The following CC2D2A variants were observed in gnomAD, a reference collection of about 807,000 sequenced individuals.
CC2D2A encodes the protein coiled-coil and C2 domain-containing protein 2A.
Under a neutral mutation model 212.9 loss-of-function variants are expected in CC2D2A, and 155 were observed. The ratio of observed to expected loss-of-function variants is 0.73; its 90% CI spans 0.64 to 0.83. The LOEUF is 0.83. CC2D2A is among the 40% of genes least tolerant of loss of function. The pLI is 0.00. For synonymous variants in CC2D2A, 667 were observed against 686.5 expected (o/e 0.97, Z 0.44); for missense variants, 1,856 against 1,956.2 (o/e 0.95, Z 0.97).
chr4:15,509,477 T>C (rs567912615), intron 6 of CC2D2A, among the ~76,000 whole-genome samples: 1 of 152,306 alleles, frequency 6.6e-6, no homozygotes, highest in South Asian at 2.1e-4. Context: ...TTTCACTATG[T>C]TTGCCAGGCT....
chr4:15,563,764 A>C, intron 24 of CC2D2A: 2 of 495,182 alleles, frequency 4.0e-6, no homozygotes, highest in Non-Finnish European at 7.3e-6. Context: ...TAGCTGAATT[A>C]CAAGGGAGAC....
At chr4:15,583,936 G>A (rs1306634935) in intron 30 of CC2D2A, among the ~76,000 whole-genome samples, 3 of 147,924 alleles carry the variant, frequency 2.0e-5, no homozygotes, top group East Asian at 1.9e-4. Flanking sequence ...GGGTGACAGA[G>A]CGAGACTCCA....
chr4:15,555,761 C>G (rs1194916846), intron 20 of CC2D2A, among the ~76,000 whole-genome samples: 1 of 152,072 alleles, frequency 6.6e-6, no homozygotes, highest in East Asian at 1.9e-4. Context: ...AAACAAAACC[C>G]CTTTATCTGG....
intron 29 of CC2D2A, among the ~76,000 whole-genome samples, chr4:15,577,678 A>G (rs1159733175): frequency 6.6e-6 from 1 of 152,162 alleles, no homozygotes; most frequent in Non-Finnish European, 1.5e-5. Context: ...TCAACAGAAC[A>G]TTCCAATGAA....
chr4:15,567,500 TC>T lies in CC2D2A; in HGVS notation c.3288+19del. 1 of 1,599,386 alleles carries T rather than the reference TC, an allele frequency of 6.3e-7. No individual in the cohort carries two copies. Among genetic ancestry groups the T allele is most frequent in the Non-Finnish European group, 8.6e-7 (1 of 1,169,248 alleles). On this transcript the variant is annotated intron_variant, in intron 25 of 36. Coordinates refer to ENST00000424120, the MANE Select transcript of CC2D2A (RefSeq NM_001378615.1). ...TCGGCCAGGTGAGAGATGCTGGACT[TC>T]AGCTTTCCACCTTGCCCCTTAAGTT...
intron 4 of CC2D2A, chr4:15,481,925 T>C: frequency 1.0e-6 from 1 of 985,402 alleles, no homozygotes; most frequent in Non-Finnish European, 1.2e-6. Flanking sequence ...ACCTTGCCAT[T>C]GAGGACACAT....
At chr4:15,566,893 TG>T (rs1361356690) in intron 24 of CC2D2A, among the ~76,000 whole-genome samples, 1 of 152,154 alleles carries the variant, frequency 6.6e-6, no homozygotes, top group Admixed American at 6.5e-5. Flanking sequence ...GAGGATCGCT[TG>T]AGCCTGGGAG....
intron 30 of CC2D2A, among the ~76,000 whole-genome samples, chr4:15,585,552 G>A (rs2109088016): frequency 6.6e-6 from 1 of 152,248 alleles, no homozygotes; most frequent in Non-Finnish European, 1.5e-5. Context: ...GGAAGAATGA[G>A]TTCTGGTGTT....
intron 33 of CC2D2A, among the ~76,000 whole-genome samples, chr4:15,595,084 G>T (rs535517895): frequency 6.6e-6 from 1 of 152,160 alleles, no homozygotes; most frequent in South Asian, 2.1e-4. Context: ...CAAACTGCTG[G>T]GATTATGAGT....
At chr4:15,487,980 G>A (rs916874688) in intron 4 of CC2D2A, among the ~76,000 whole-genome samples, 6 of 151,552 alleles carry the variant, frequency 4.0e-5, no homozygotes, top group African/African-American at 1.2e-4. Context: ...TTTATTTTTT[G>A]TTGTCTCTAC....
At chr4:15,543,111 G>C (rs990501362) in intron 17 of CC2D2A, among the ~76,000 whole-genome samples, 1 of 152,156 alleles carries the variant, frequency 6.6e-6, no homozygotes. Flanking sequence ...CTGTGATCTG[G>C]GGGGTGGGTG....
At chr4:15,571,021 C>T (rs4698115) in intron 28 of CC2D2A, among the ~76,000 whole-genome samples, 146,122 of 152,330 alleles carry the variant, frequency 0.96, 70,361 homozygotes, top group East Asian at 1. Flanking sequence ...TCTTCTGTCA[C>T]ATTTGCATTA....
chr4:15,511,239 T>C lies in CC2D2A; in HGVS notation c.541-8T>C. ...GGGAAATTGCGATTGCTCCTTGCTT[T>C]TCGTTAGGTTCCACCTGGCTTCCCT... is the stretch of plus-strand genomic sequence containing the variant. On this transcript the variant is annotated splice_region_variant and splice_polypyrimidine_tract_variant and intron_variant, in intron 7 of 36. Transcript: ENST00000424120. The C allele has an allele frequency of 6.3e-7, 1 of 1,591,444 alleles. No homozygotes were observed. The highest frequency in any genetic ancestry group is 8.5e-7 in the Non-Finnish European group (1 of 1,170,460).
chr4:15,497,810 T>G (rs1379589264), intron 4 of CC2D2A, among the ~76,000 whole-genome samples: 1 of 152,202 alleles, frequency 6.6e-6, no homozygotes, highest in Non-Finnish European at 1.5e-5. Context: ...TCTCAGAGAA[T>G]GCCTATTCAT....
intron 16 of CC2D2A, 134 bp from the exon 17 acceptor site, chr4:15,540,703 G>T: frequency 1.3e-6 from 1 of 769,290 alleles, no homozygotes; most frequent in Non-Finnish European, 2.1e-6. Context: ...GGCTCCTCTG[G>T]TTAAATGAGG....
intron 34 of CC2D2A, among the ~76,000 whole-genome samples, chr4:15,596,450 TACC>T (rs1721328924): frequency 6.6e-6 from 1 of 152,148 alleles, no homozygotes; most frequent in Non-Finnish European, 1.5e-5. Context: ...ACATAAAAAG[TACC>T]ACAAAATGTA....
At chr4:15,484,512 C>A (rs938910460) in intron 4 of CC2D2A, among the ~76,000 whole-genome samples, 26 of 151,996 alleles carry the variant, frequency 1.7e-4, no homozygotes, top group Admixed American at 1.6e-3. Flanking sequence ...AGCACAGAGA[C>A]CAGGTAGAGG....
At chr4:15,500,107 G>GTGTATATATATATATATATATA (rs1479141284) in intron 4 of CC2D2A, among the ~76,000 whole-genome samples, 1 of 112,932 alleles carries the variant, frequency 8.9e-6, no homozygotes, top group Non-Finnish European at 1.8e-5. Flanking sequence ...GTGTGTGTGT[G>GTGTATATATATATATATATATA]TATATATATA....
At position 15,579,976 on chromosome 4, in the gene CC2D2A, T is replaced by A. The variant is rs765284788; in HGVS notation, c.3780T>A (p.Ser1260=). ...PGESIREKFE[S]QEDEKLLQAT... Reference sequence around the variant, plus strand: ...AGTCTTTCTTTTTGAAGTTTGAGTCTCAGGAAGATGAGAAATTACTTCAAG... The same window carrying A: ...AGTCTTTCTTTTTGAAGTTTGAGTCACAGGAAGATGAGAAATTACTTCAAG... Residue 1260 remains serine, a synonymous_variant, in exon 30 of 37, where the codon TCT becomes TCA. Transcript: ENST00000424120. 6.2e-6 allele frequency: 10 copies of A among 1,612,860 alleles called. No individual in the cohort carries two copies. In the Admixed American group the frequency reaches 1.7e-4, roughly 27 times the overall value.
Sources: gnomAD v4.1 joint callset for allele counts (sites outside exome capture counted in the v4.1 genomes callset) on GRCh38, gnomAD v4.1.1 for gene constraint, MANE v1.5 for transcripts, NCBI Gene and HGNC (gene_info 2026-07-23, HGNC 2026-07-21) for gene names.